The following TRIB3 variants were observed in gnomAD, a reference collection of about 807,000 sequenced individuals.
TRIB3 encodes the protein tribbles homolog 3.
Under a neutral mutation model 16.6 loss-of-function variants are expected in TRIB3, and 20 were observed. The observed-to-expected ratio is 1.20, with a 90% CI of 0.85 to 1.75. The LOEUF (loss-of-function observed/expected upper bound fraction) is 1.75, where lower values mean the gene tolerates loss of function less well. Among genes scored for constraint, TRIB3 ranks in the 40% most tolerant of loss-of-function variants. TRIB3 has a pLI of 0.00. For missense variants in TRIB3, 484 were observed against 488.9 expected, an observed-to-expected ratio of 0.99 and a Z score of 0.10; for synonymous variants, 208 against 217.0, an observed-to-expected ratio of 0.96 and a Z score of 0.36.
At chr20:382,099 C>CTG (rs5839857) in intron 1 of TRIB3, among the ~76,000 whole-genome samples, 24,243 of 142,188 alleles carry the variant, frequency 0.17, 2,147 homozygotes, top group Non-Finnish European at 0.22. Context: ...GCTGGGAGGG[C>CTG]TGTGTGTGTG....
Position 388,050 on chromosome 20 carries a change from T to C in TRIB3, c.40T>C (p.Ser14Pro). ...TPLAAPAGSL[S>P]RKKRLELDDN... is the part of the protein sequence containing the mutation. Reference sequence around the variant, plus strand: ...TCTGGCTGCTCCTGCGGGTTCCCTGTCCAGGAAGAAGCGGTTGGAGTTGGA... The same window carrying C: ...TCTGGCTGCTCCTGCGGGTTCCCTGCCCAGGAAGAAGCGGTTGGAGTTGGA... The change falls in exon 2 of 4, where the codon TCC becomes CCC. Residue 14 changes from serine to proline, a missense_variant. By Grantham distance (74) the Ser-to-Pro change is moderately conservative. Transcript: ENST00000217233. 1 of 1,614,100 alleles carries C rather than the reference T, an allele frequency of 6.2e-7. No homozygotes were observed. Among genetic ancestry groups the C allele is most frequent in the African/African-American group, 1.3e-5 (1 of 75,062 alleles).
intron 1 of TRIB3, chr20:382,427 G>A (rs2014686929): frequency 8.8e-7 from 1 of 1,138,628 alleles, no homozygotes; most frequent in Non-Finnish European, 1.2e-6. Context: ...GTCTCCTGCT[G>A]CACAGGGCAC....
rs2014846666 is a variant in TRIB3 at position 387,367 on chromosome 20, G to A, written c.1-644G>A. Reference sequence around the variant, plus strand: ...TCCTAATCTTGTGCATCCTTTCAGAGAGAGAGATGATAGATATTCAAACAA... The same window carrying A: ...TCCTAATCTTGTGCATCCTTTCAGAAAGAGAGATGATAGATATTCAAACAA... On this transcript the variant is annotated intron_variant, in intron 1 of 3. Transcript: ENST00000217233. Among the ~76,000 whole-genome samples, 3 of 152,138 alleles carry A rather than the reference G, an allele frequency of 2.0e-5. No homozygotes were observed. In the South Asian group the frequency reaches 6.2e-4, roughly 32 times the overall value.
intron 1 of TRIB3, among the ~76,000 whole-genome samples, chr20:384,364 C>CT (rs11087567): frequency 0.086 from 13,056 of 151,848 alleles, 1,516 homozygotes; most frequent in East Asian, 0.4. Context: ...ACGTTTTTTT[C>CT]TTCTTTTTCT....
chr20:382,518 C>T (rs1206721909), intron 1 of TRIB3: 3 of 1,535,188 alleles, frequency 2.0e-6, no homozygotes, highest in Non-Finnish European at 1.7e-6. Context: ...CAGCCTCGAA[C>T]CTGGGGAGCT....
chr20:393,088 C>T (rs1225283954), intron 3 of TRIB3, among the ~76,000 whole-genome samples: 1 of 96,430 alleles, frequency 1.0e-5, no homozygotes, highest in Non-Finnish European at 2.1e-5. Flanking sequence ...AAAAATAGTT[C>T]AAAGAGTTTC....
intron 3 of TRIB3, among the ~76,000 whole-genome samples, chr20:395,341 TG>T (rs1168048656): frequency 6.6e-6 from 1 of 151,260 alleles, no homozygotes; most frequent in Non-Finnish European, 1.5e-5. Flanking sequence ...TCGTATTTTT[TG>T]TAGAGATAGG....
chr20:389,751 G>T (rs2014922254), intron 2 of TRIB3, among the ~76,000 whole-genome samples: 1 of 152,182 alleles, frequency 6.6e-6, no homozygotes, highest in African/African-American at 2.4e-5. Flanking sequence ...TGATTCTCAA[G>T]AAACATTTGG....
At chr20:391,697 T>A in intron 3 of TRIB3, 118 bp downstream of exon 3, 2 of 1,315,450 alleles carry the variant, frequency 1.5e-6, no homozygotes, top group Non-Finnish European at 1.0e-6. Flanking sequence ...GAAACTGAAG[T>A]AACCAGCAGC....
Position 380,973 on chromosome 20 carries a change from CG to C in TRIB3, c.-192del, listed in dbSNP as rs1491272731. 1 of 147,148 alleles carries C rather than the reference CG, an allele frequency of 6.8e-6. No individual in the cohort carries two copies. The highest frequency in any genetic ancestry group is 1.5e-5 in the Non-Finnish European group (1 of 67,014). The allele number at this position is 147,148 out of a possible 1,614,324, so 9.1% of individuals were successfully genotyped here. A position where few individuals can be genotyped will look rare whatever the true frequency, so the allele number is the denominator to read the frequency against. ...TAGCTCCGGTTTGCATCACCCGGAC[CG>C]GGGGCCGGGCGCGCACGAGACTCGC... On this transcript the variant is annotated 5_prime_UTR_variant, in exon 1 of 4. The change abolishes the stop of an existing upstream ORF in the 5' untranslated region. Coordinates refer to ENST00000217233, the MANE Select transcript of TRIB3 (RefSeq NM_021158.5).
intron 1 of TRIB3, among the ~76,000 whole-genome samples, chr20:382,147 G>C (rs79775525): frequency 0.14 from 20,605 of 152,022 alleles, 1,536 homozygotes; most frequent in South Asian, 0.19. Flanking sequence ...GCGCGCTTGC[G>C]CTTGATGTAA....
At chr20:393,970 T>C (rs993343486) in intron 3 of TRIB3, among the ~76,000 whole-genome samples, 13 of 152,216 alleles carry the variant, frequency 8.5e-5, no homozygotes, top group Non-Finnish European at 1.5e-5. Flanking sequence ...ATCTTGCCTA[T>C]AGCAGTTATT....
At chr20:381,804 G>A (rs958078595) in intron 1 of TRIB3, among the ~76,000 whole-genome samples, 1 of 152,202 alleles carries the variant, frequency 6.6e-6, no homozygotes, top group African/African-American at 2.4e-5. Flanking sequence ...GCCCGGCAGG[G>A]CCGCTGGTTC....
Position 391,412 on chromosome 20 carries a change from G to T in TRIB3, c.417G>T (p.Arg139=). 1 of 1,613,884 alleles carries T rather than the reference G, an allele frequency of 6.2e-7. No homozygotes were observed. The highest frequency in any genetic ancestry group is 8.5e-7 in the Non-Finnish European group (1 of 1,180,004). ...GTQLLYAFFT[R]THGDMHSLVR... Reference sequence around the variant, plus strand: ...AGCTCCTCTACGCCTTTTTCACTCGGACCCATGGGGACATGCACAGCCTGG... The same window carrying T: ...AGCTCCTCTACGCCTTTTTCACTCGTACCCATGGGGACATGCACAGCCTGG... Residue 139 remains arginine (R), a synonymous_variant, in exon 3 of 4, where the codon CGG becomes CGT. Transcript: ENST00000217233.
intron 3 of TRIB3, 47 bp downstream of exon 3, chr20:391,626 G>A: frequency 1.3e-6 from 2 of 1,570,078 alleles, no homozygotes; most frequent in Non-Finnish European, 1.7e-6. Context: ...CCCAGGGGGT[G>A]GGCCATGATG....
At chr20:386,217 C>T (rs958576146) in intron 1 of TRIB3, among the ~76,000 whole-genome samples, 3 of 152,002 alleles carry the variant, frequency 2.0e-5, no homozygotes, top group Non-Finnish European at 2.9e-5. Flanking sequence ...AAGATCCTGA[C>T]GGCAAGACTG....
chr20:382,409 T>G, intron 1 of TRIB3: 1 of 941,718 alleles, frequency 1.1e-6, no homozygotes, highest in Non-Finnish European at 1.6e-6. Context: ...CCAGAGGGAC[T>G]CCAGGCAGTC....
At chr20:384,074 G>C (rs1177173559) in intron 1 of TRIB3, among the ~76,000 whole-genome samples, 1 of 151,926 alleles carries the variant, frequency 6.6e-6, no homozygotes, top group South Asian at 2.1e-4. Flanking sequence ...GAGTCCTCTT[G>C]ATCTTCCTCC....
In TRIB3 at chr20:388,211, T is replaced by G. The variant is rs1201605679; in HGVS notation, c.201T>G (p.Arg67=). The G allele has an allele frequency of 1.2e-6, 2 of 1,613,864 alleles. No homozygotes were observed. The highest frequency in any genetic ancestry group is 1.7e-6 in the Non-Finnish European group (2 of 1,180,000). The part of the protein sequence containing the change: ...DRATAVATAS[R]LGPYVLLEPE... ...CAACTGCTGTGGCCACTGCCTCCCG[T>G]CTTGGGCCCTATGTCCTCCTGGAGC... Residue 67 remains arginine (R), a synonymous_variant, in exon 2 of 4, where the codon CGT becomes CGG. Coordinates refer to ENST00000217233, the MANE Select transcript of TRIB3 (RefSeq NM_021158.5).
Sources: gnomAD v4.1 joint callset for allele counts (sites outside exome capture counted in the v4.1 genomes callset) on GRCh38, gnomAD v4.1.1 for gene constraint, MANE v1.5 for transcripts, NCBI Gene and HGNC (gene_info 2026-07-23, HGNC 2026-07-21) for gene names.